Variants in SAMSN1 observed in about 807,000 individuals in gnomAD.
SAMSN1 encodes the protein SAM domain, SH3 domain and nuclear localization signals 1.
SAMSN1 carries 31 observed loss-of-function variants against 42.0 expected under a neutral mutation model. That is an observed-to-expected ratio of 0.74 (90% CI 0.55 to 1.00). The LOEUF is 1.00. Ranked by LOEUF, SAMSN1 falls within the 50% of genes least tolerant of loss-of-function variation. The pLI is 0.00. For synonymous variants in SAMSN1, 178 were observed against 151.9 expected (o/e 1.17, Z -1.26); for missense variants, 464 against 439.4 (o/e 1.06, Z -0.50).
At chr21:14,585,201 T>C (rs1050972583), upstream of SAMSN1, among the ~76,000 whole-genome samples, 27 of 152,190 alleles carry the variant, frequency 1.8e-4, no homozygotes, top group African/African-American at 6.0e-4. Flanking sequence ...TTTCTCAGTG[T>C]TTCTTTTAGT....
At chr21:14,601,663 G>A (rs1417874990) in intron 6 of SAMSN1, among the ~76,000 whole-genome samples, 4 of 152,112 alleles carry the variant, frequency 2.6e-5, no homozygotes, top group Admixed American at 2.6e-4. Flanking sequence ...AATTAATGCA[G>A]TTTTGAAAGG....
rs59632143 is a variant in SAMSN1, at chr21:14,630,385, C to CTT, written c.156+12615_156+12616dup. Reference sequence around the variant, plus strand: ...AGGAATGGGCTTTTTTGCTTTACAGCTTTTTTTTTTTTTAGAGATGATTAA... The same window carrying CTT: ...AGGAATGGGCTTTTTTGCTTTACAGCTTTTTTTTTTTTTTTAGAGATGATTAA... On this transcript the variant is annotated intron_variant, in intron 2 of 15. Transcript: ENST00000647101. 4.3e-3 allele frequency among the ~76,000 whole-genome samples: 610 copies of CTT among 142,234 alleles called. 4 individuals are homozygous for CTT. The highest frequency in any genetic ancestry group is 0.014 in the African/African-American group (533 of 39,180). 93.3% of individuals were successfully genotyped at this position (142,234 alleles called of 152,430 possible).
chr21:14,634,878 G>T (rs1379956335), intron 2 of SAMSN1, among the ~76,000 whole-genome samples: 2 of 152,130 alleles, frequency 1.3e-5, no homozygotes, highest in African/African-American at 4.8e-5. Context: ...AAGATACATG[G>T]ACACTTACGT....
At position 14,649,291 on chromosome 21, in the gene SAMSN1, G is replaced by A. The variant is rs866325921; in HGVS notation, c.25-6158C>T. On this transcript the variant is annotated intron_variant, in intron 1 of 15. Transcript: ENST00000647101. ...CTGTTGTGGGGTGGGGGGAGGGGGG[G>A]AGGGATAGCATTGGGAGATATACCT... Among the ~76,000 whole-genome samples, 52 of 115,918 alleles carry A rather than the reference G, an allele frequency of 4.5e-4. 1 individual carries two copies. In the South Asian group the frequency reaches 0.016, roughly 36 times the overall value. 76.0% of individuals were successfully genotyped at this position (115,918 alleles called of 152,430 possible). A position where few individuals can be genotyped will look rare whatever the true frequency, so the allele number is the denominator to read the frequency against.
chr21:14,597,276 C>T (rs1982296623), intron 6 of SAMSN1, among the ~76,000 whole-genome samples: 1 of 152,034 alleles, frequency 6.6e-6, no homozygotes, highest in Admixed American at 6.6e-5. Flanking sequence ...GCGTTGTGAC[C>T]TCAGTTAAGC....
intron 1 of SAMSN1, among the ~76,000 whole-genome samples, chr21:14,537,282 A>C (rs76645749): frequency 0.013 from 2,021 of 152,228 alleles, 17 homozygotes; most frequent in South Asian, 0.027. Context: ...TCCCAAGACC[A>C]GCTCCTTCAC....
At chr21:14,510,526 C>T in intron 4 of SAMSN1, 65 bp from the exon 5 acceptor site, 1 of 1,563,480 alleles carries the variant, frequency 6.4e-7, no homozygotes, top group Non-Finnish European at 8.8e-7. Flanking sequence ...ATCATCTGGA[C>T]ACAACTAAGT....
intron 7 of SAMSN1, among the ~76,000 whole-genome samples, chr21:14,493,603 A>T (rs1160036971): frequency 7.1e-6 from 1 of 141,246 alleles, no homozygotes; most frequent in Non-Finnish European, 1.6e-5. Flanking sequence ...ACACACACAC[A>T]CACACACACA....
At chr21:14,538,816 G>T (rs1261066685) in intron 1 of SAMSN1, among the ~76,000 whole-genome samples, 1 of 152,014 alleles carries the variant, frequency 6.6e-6, no homozygotes, top group Non-Finnish European at 1.5e-5. Context: ...GACACTAATG[G>T]TGTCTCATTT....
In SAMSN1 at chr21:14,516,892, C is replaced by A; in HGVS notation, c.279G>T (p.Lys93Asn). Reference sequence around the variant, plus strand: ...CAAATGATTATCAGAGAATATTTACCTTTTCCTCAGAAAGGGCTTTGATGT... The same window carrying A: ...CAAATGATTATCAGAGAATATTTACATTTTCCTCAGAAAGGGCTTTGATGT... The part of the protein sequence containing the change: ...KKYIKALSEE[K>N]DEEDGENAHP... The change falls in exon 3 of 8, where the codon AAG (lysine) becomes AAT (asparagine). Residue 93 changes from lysine to asparagine, a missense_variant and splice_region_variant. Physicochemically the swap from Lys to Asn is moderately conservative, Grantham distance 94. Transcript: ENST00000400566. The A allele has an allele frequency of 6.2e-7, 1 of 1,600,246 alleles. No individual in the cohort carries two copies. The highest frequency in any genetic ancestry group is 1.8e-5 in the Admixed American group (1 of 57,034).
chr21:14,593,574 G>A (rs1271108517), intron 7 of SAMSN1: 3 of 152,530 alleles, frequency 2.0e-5, no homozygotes, highest in Non-Finnish European at 4.4e-5. Context: ...TTCATTCTAT[G>A]GACTATAATC....
chr21:14,509,031 G>T (rs192217645), intron 5 of SAMSN1, among the ~76,000 whole-genome samples: 5 of 152,090 alleles, frequency 3.3e-5, no homozygotes, highest in Admixed American at 3.3e-4. Flanking sequence ...GAGGAGAATC[G>T]CTTGAACCCA....
Position 14,517,016 on chromosome 21 carries a change from C to T in SAMSN1, c.155G>A (p.Gly52Glu). 6.2e-7 allele frequency: 1 copy of T among 1,612,764 alleles called. No individual in the cohort carries two copies. The highest frequency in any genetic ancestry group is 1.1e-5 in the South Asian group (1 of 90,796). Residue 52 changes from glycine (G) to glutamate (E), a missense_variant, in exon 3 of 8, where the codon GGA (glycine) becomes GAA (glutamate). Transcript: ENST00000400566. ...TEAHEGDPTN[G>E]SGEQSKTSNN... ...TGAAGTTTTACTTTGTTCTCCACTT[C>T]CATTTGTGGGATCTCCTTCATGTGC...
intron 2 of SAMSN1, among the ~76,000 whole-genome samples, chr21:14,637,349 G>T (rs1408855727): frequency 2.0e-5 from 3 of 152,120 alleles, no homozygotes; most frequent in Non-Finnish European, 4.4e-5. Context: ...ATTTTATACT[G>T]ATTACATGTT....
At chr21:14,641,028 A>G (rs461781) in intron 2 of SAMSN1, among the ~76,000 whole-genome samples, 152,044 of 152,044 alleles carry the variant, frequency 1, 76,022 homozygotes, top group Non-Finnish European at 1. Context: ...AGACATTTAA[A>G]AAAATATCTT....
At chr21:14,515,169 C>T (rs1987853849) in intron 3 of SAMSN1, among the ~76,000 whole-genome samples, 1 of 152,046 alleles carries the variant, frequency 6.6e-6, no homozygotes, top group Non-Finnish European at 1.5e-5. Flanking sequence ...GACCATTGGA[C>T]CTGGCAACAC....
At chr21:14,548,286 G>C (rs1323979801), upstream of SAMSN1, among the ~76,000 whole-genome samples, 1 of 152,126 alleles carries the variant, frequency 6.6e-6, no homozygotes, top group Non-Finnish European at 1.5e-5. Flanking sequence ...ATACTTATTA[G>C]ATGATTCATC....
Position 14,510,362 on chromosome 21 carries a change from A to G in SAMSN1, c.509T>C (p.Val170Ala). ...YSGPFCGRAR[V>A]HTDFTPSPYD... is the part of the protein sequence containing the mutation. ...GGGACTTGGCGTGAAATCCGTATGC[A>G]CTCTGGCACGGCCACAGAATGGTCC... Residue 170 changes from valine (V) to alanine (A), a missense_variant, in exon 5 of 8, where the codon GTG (valine) becomes GCG (alanine). Transcript: ENST00000400566. 1 of 1,614,058 alleles carries G rather than the reference A, an allele frequency of 6.2e-7. No homozygotes were observed. The highest frequency in any genetic ancestry group is 8.5e-7 in the Non-Finnish European group (1 of 1,179,986).
chr21:14,510,586 T>C, intron 4 of SAMSN1, 125 bp from the exon 5 acceptor site: 1 of 1,043,146 alleles, frequency 9.6e-7, no homozygotes, highest in South Asian at 1.5e-5. Context: ...AAGTTCTAAT[T>C]GACCCATCCT....
Sources: gnomAD v4.1 joint callset for allele counts (sites outside exome capture counted in the v4.1 genomes callset) on GRCh38, gnomAD v4.1.1 for gene constraint, MANE v1.5 for transcripts, NCBI Gene and HGNC (gene_info 2026-07-23, HGNC 2026-07-21) for gene names.